NLRC3: variants seen among roughly 807,000 people sequenced by gnomAD.
NLRC3 encodes the protein NLR family CARD domain containing 3, also known as NLR family CARD domain-containing protein 3.
NLRC3 carries 87 observed loss-of-function variants against 91.6 expected under a neutral mutation model. The ratio of observed to expected loss-of-function variants is 0.95; its 90% confidence interval spans 0.80 to 1.14. The LOEUF is 1.14. NLRC3 is among the 50% of genes most tolerant of loss of function. The pLI is 0.00. For synonymous variants in NLRC3, 694 were observed against 625.3 expected (o/e 1.11, Z -1.64); for missense variants, 1,577 against 1,418.6 (o/e 1.11, Z -1.79).
In NLRC3 at chr16:3,542,220, CAG is replaced by C. The variant is rs2038439664; in HGVS notation, c.3076_3077del (p.Leu1026ValfsTer38). The C allele has an allele frequency of 6.3e-7, 1 of 1,593,240 alleles. No individual in the cohort carries two copies. ...MDGAICIATALSGNHRLQHIN... is the reference protein window; with the variant it reads ...MDGAICIATAXSGNHRLQHIN... ...TATGCTGGAGCCTGTGGTTTCCAGACAGTGCTGTGGCAATGCATATCGCCCCG... is the reference window on the plus strand; with the variant it reads ...TATGCTGGAGCCTGTGGTTTCCAGACTGCTGTGGCAATGCATATCGCCCCG... On this transcript the variant is annotated frameshift_variant, in exon 19 of 20. Coordinates refer to ENST00000359128, the MANE Select transcript of NLRC3 (RefSeq NM_178844.4). LOFTEE classifies it high-confidence loss of function.
At chr16:3,555,086 T>C (rs139926195) in intron 8 of NLRC3, among the ~76,000 whole-genome samples, 2,803 of 151,890 alleles carry the variant, frequency 0.018, 92 homozygotes, top group African/African-American at 0.06. Flanking sequence ...AAAAATTAGC[T>C]GGGTGTGGTG....
rs1371167218 is a variant in NLRC3, at chr16:3,539,546, G to A, written c.*2279C>T. The A allele has an allele frequency of 5.9e-5, 9 of 152,342 alleles. No homozygotes were observed. The highest frequency in any genetic ancestry group is 1.3e-4 in the Admixed American group (2 of 15,296). The allele number at this position is 152,342 out of a possible 1,614,324, so 9.4% of individuals were successfully genotyped here. A position where few individuals can be genotyped will look rare whatever the true frequency, so the allele number is the denominator to read the frequency against. The stretch of plus-strand genomic sequence containing the variant: ...GTTTCTTCAGCGTTAGGTTTCTGTA[G>A]GGCCCAGCTTTCTCCAGTGTTTGGC... On this transcript the variant is annotated 3_prime_UTR_variant, in exon 20 of 20. Transcript: ENST00000359128.
chr16:3,560,842 G>A (rs982270223), intron 6 of NLRC3, among the ~76,000 whole-genome samples: 1 of 151,328 alleles, frequency 6.6e-6, no homozygotes, highest in Admixed American at 6.6e-5. Context: ...TGTATTTTTA[G>A]TAGAGACAGG....
chr16:3,563,914 G>C lies in NLRC3; in HGVS notation c.1023C>G (p.His341Gln). ...GGGGCCCCGTCCTGCTGCGCCACAG[G>C]TGGCCTAGCGCCATCCCCGTGAGCC... ...FCRLTGMALGHLWRSRTGPQD... is the reference protein window; with the variant it reads ...FCRLTGMALGQLWRSRTGPQD... The change falls in exon 5 of 20, where the codon CAC becomes CAG. Residue 341 changes from histidine to glutamine, a missense_variant. By Grantham distance (24) the His-to-Gln change is conservative (BLOSUM62 0). Coordinates refer to ENST00000359128, the MANE Select transcript of NLRC3 (RefSeq NM_178844.4). 1.3e-6 allele frequency: 2 copies of C among 1,592,444 alleles called. No homozygotes were observed. The highest frequency in any genetic ancestry group is 1.7e-6 in the Non-Finnish European group (2 of 1,170,738).
intron 10 of NLRC3, 71 bp from the exon 11 acceptor site, chr16:3,550,568 G>A (rs1324861394): frequency 1.3e-5 from 15 of 1,158,672 alleles, no homozygotes; most frequent in Non-Finnish European, 2.0e-5. Context: ...AGGGATCAGA[G>A]TCAGGGAAGC....
At position 3,563,314 on chromosome 16, in the gene NLRC3, G is replaced by A; in HGVS notation, c.1623C>T (p.Ala541=). ...GSLLAQGEHQ[A]YRTQVAELLQ... ...GGAGCTCAGCCACCTGGGTCCGGTA[G>A]GCCTGGTGCTCGCCTTGGGCCAGCA... is the stretch of plus-strand genomic sequence containing the variant. Residue 541 remains alanine, a synonymous_variant, in exon 5 of 20, where the codon GCC becomes GCT. Coordinates refer to ENST00000359128, the MANE Select transcript of NLRC3 (RefSeq NM_178844.4). The A allele has an allele frequency of 1.3e-6, 2 of 1,599,698 alleles. No homozygotes were observed. The highest frequency in any genetic ancestry group is 2.7e-5 in the African/African-American group (2 of 74,848).
chr16:3,568,758 CAT>C (rs748805968), intron 1 of NLRC3, among the ~76,000 whole-genome samples: 7 of 152,066 alleles, frequency 4.6e-5, no homozygotes, highest in Non-Finnish European at 1.0e-4. Context: ...TTTGAATTGA[CAT>C]TGCCTCATGT....
chr16:3,577,160 C>T lies in NLRC3; in HGVS notation c.-180G>A, dbSNP rs138644604. The T allele has an allele frequency of 3.0e-3, 2,131 of 703,054 alleles. 5 individuals carry two copies. The highest frequency in any genetic ancestry group is 5.0e-3 in the South Asian group (341 of 67,604). The allele number at this position is 703,054 out of a possible 1,614,324, so 43.6% of individuals were successfully genotyped here. ...TGGACCCAACTTACCTCCCGGGCCTCGATGCTGCTCCAGGGACAGCAAGAC... is the reference window on the plus strand; with the variant it reads ...TGGACCCAACTTACCTCCCGGGCCTTGATGCTGCTCCAGGGACAGCAAGAC... On this transcript the variant is annotated 5_prime_UTR_variant, in exon 1 of 20. Coordinates refer to ENST00000359128, the MANE Select transcript of NLRC3 (RefSeq NM_178844.4).
At chr16:3,551,550 T>C (rs950598500) in intron 10 of NLRC3, among the ~76,000 whole-genome samples, 47 of 147,704 alleles carry the variant, frequency 3.2e-4, no homozygotes, top group African/African-American at 1.1e-3. Context: ...CATCCATCCA[T>C]CCACCCATCC....
At chr16:3,544,695 A>C (rs957729059) in intron 15 of NLRC3, 4 of 238,834 alleles carry the variant, frequency 1.7e-5, no homozygotes, top group African/African-American at 4.5e-5. Context: ...CTCTTGAGAC[A>C]GGGTCTCACT....
At position 3,543,483 on chromosome 16, in the gene NLRC3, A is replaced by C; in HGVS notation, c.2881T>G (p.Ser961Ala). Reference protein sequence around the residue: ...LYLQVASIGASGAQVLGEALA... With the variant: ...LYLQVASIGAAGAQVLGEALA... Reference sequence around the variant, plus strand: ...GCTTCCCCTAGCACCTGGGCGCCTGAAGCACCAATTGAGGCCACCTGGAGA... The same window carrying C: ...GCTTCCCCTAGCACCTGGGCGCCTGCAGCACCAATTGAGGCCACCTGGAGA... The change falls in exon 17 of 20, where the codon TCA becomes GCA. Residue 961 changes from serine (S) to alanine (A), a missense_variant. Physicochemically the swap from Ser to Ala is moderately conservative, Grantham distance 99. Transcript: ENST00000359128. The C allele has an allele frequency of 6.2e-7, 1 of 1,613,228 alleles. No individual in the cohort carries two copies.
At position 3,563,555 on chromosome 16, in the gene NLRC3, A is replaced by C. The variant is rs376079841; in HGVS notation, c.1382T>G (p.Phe461Cys). The change falls in exon 5 of 20, where the codon TTT becomes TGT. Residue 461 changes from phenylalanine (F) to cysteine (C), a missense_variant. Physicochemically the swap from Phe to Cys is radical, Grantham distance 205 (BLOSUM62 -2). Coordinates refer to ENST00000359128, the MANE Select transcript of NLRC3 (RefSeq NM_178844.4). ...GCCATAGTAATACGCGGCTGCCACA[A>C]ACTCCTGCAGGGACAGGTGGGTGAA... ...YCFTHLSLQE[F>C]VAAAYYYGAS... The C allele has an allele frequency of 6.2e-7, 1 of 1,611,776 alleles. No homozygotes were observed. The highest frequency in any genetic ancestry group is 1.1e-5 in the South Asian group (1 of 90,654).
At position 3,564,533 on chromosome 16, in the gene NLRC3, G is replaced by A; in HGVS notation, c.404C>T (p.Ser135Phe). The A allele has an allele frequency of 6.2e-7, 1 of 1,612,140 alleles. No homozygotes were observed. The highest frequency in any genetic ancestry group is 8.5e-7 in the Non-Finnish European group (1 of 1,179,658). Residue 135 changes from serine (S) to phenylalanine (F), a missense_variant, in exon 5 of 20, where the codon TCT (serine) becomes TTT (phenylalanine). By Grantham distance (155) the Ser-to-Phe change is radical (BLOSUM62 -2). Transcript: ENST00000359128. The surrounding 1 kb of genome is among the most constrained non-coding windows in gnomAD (Gnocchi z 5.9). ...AGTGATGGAGACCCGGGGTGGGACA[G>A]ACACCCGGGAGAGAGGCAGGAAGAG... ...DRLFLPLSRV[S>F]VPPRVSITIG...
chr16:3,562,223 C>T (rs1047286615), intron 5 of NLRC3, among the ~76,000 whole-genome samples: 4 of 152,172 alleles, frequency 2.6e-5, no homozygotes, highest in African/African-American at 9.7e-5. Context: ...GAAGTCCTAA[C>T]CCCCTGTGCC....
At chr16:3,557,736 C>G (rs2039412998) in intron 6 of NLRC3, 60 bp from the exon 7 acceptor site, 1 of 1,053,520 alleles carries the variant, frequency 9.5e-7, no homozygotes, top group South Asian at 1.3e-5. Flanking sequence ...TGGCCTCTTC[C>G]TCAACGCTGT....
In NLRC3 at chr16:3,557,592, C is replaced by T. The variant is rs2039404372; in HGVS notation, c.2099+1G>A. ...GTTCGGCCTTGGTTGTCCTTACTTA[C>T]TCCAGAGAGGTCAGACTTCTGTTGA... On this transcript the variant is annotated splice_donor_variant, in intron 7 of 19. Transcript: ENST00000359128. LOFTEE classifies it high-confidence loss of function. 6.8e-6 allele frequency: 11 copies of T among 1,608,036 alleles called. No individual in the cohort carries two copies. Among genetic ancestry groups the T allele is most frequent in the Non-Finnish European group, 8.5e-6 (10 of 1,174,794 alleles).
At chr16:3,560,592 C>T (rs1157377702) in intron 6 of NLRC3, among the ~76,000 whole-genome samples, 4 of 152,232 alleles carry the variant, frequency 2.6e-5, no homozygotes, top group African/African-American at 9.6e-5. Flanking sequence ...GTTTCATAAG[C>T]ACACATTCAC....
Position 3,543,455 on chromosome 16 carries a change from A to G in NLRC3, c.2909T>C (p.Leu970Ser). The change falls in exon 17 of 20, where the codon TTG becomes TCG. Residue 970 changes from leucine to serine, a missense_variant. Physicochemically the swap from Leu to Ser is moderately radical, Grantham distance 145. Coordinates refer to ENST00000359128, the MANE Select transcript of NLRC3 (RefSeq NM_178844.4). ...ASGAQVLGEA[L>S]AVNRTLEILD... is the part of the protein sequence containing the mutation. ...AATCTCCAAGGTTCTGTTCACAGCC[A>G]AGGCTTCCCCTAGCACCTGGGCGCC... The G allele has an allele frequency of 1.2e-6, 2 of 1,613,168 alleles. No homozygotes were observed. The highest frequency in any genetic ancestry group is 1.7e-6 in the Non-Finnish European group (2 of 1,179,490).
chr16:3,571,882 G>A (rs897723670), intron 1 of NLRC3, among the ~76,000 whole-genome samples: 2 of 151,750 alleles, frequency 1.3e-5, no homozygotes, highest in African/African-American at 4.8e-5. Flanking sequence ...AGAGGTTGCA[G>A]TGAGCCAAGA....
Sources: gnomAD v4.1 joint callset for allele counts (sites outside exome capture counted in the v4.1 genomes callset) on GRCh38, gnomAD v4.1.1 for gene constraint, Gnocchi (gnomAD v3.1) non-coding constraint, MANE v1.5 for transcripts, NCBI Gene and HGNC (gene_info 2026-07-23, HGNC 2026-07-21) for gene names.